ITCH: variants seen among roughly 807,000 people sequenced by gnomAD.
ITCH encodes itchy E3 ubiquitin protein ligase.
ITCH carries 28 observed loss-of-function variants against 126.8 expected under a neutral mutation model. The ratio of observed to expected loss-of-function variants is 0.22; its 90% CI spans 0.16 to 0.30. The LOEUF (loss-of-function observed/expected upper bound fraction) is 0.30. Ranked by LOEUF, ITCH falls within the 10% of genes least tolerant of loss-of-function variation. The pLI, the probability that ITCH is intolerant of heterozygous loss-of-function variation, is 1.00. For missense variants in ITCH, 631 were observed against 1,032.4 expected (o/e 0.61, Z 5.33); for synonymous variants, 342 against 340.0 (o/e 1.01, Z -0.06).
At chr20:34,469,184 A>G (rs1349714701) in intron 14 of ITCH, among the ~76,000 whole-genome samples, 4 of 151,958 alleles carry the variant, frequency 2.6e-5, no homozygotes, top group Admixed American at 2.6e-4. Flanking sequence ...TATCAGGGTC[A>G]CACTCCAGGC....
At chr20:34,467,119 C>CT (rs1987140103) in intron 14 of ITCH, among the ~76,000 whole-genome samples, 1 of 152,142 alleles carries the variant, frequency 6.6e-6, no homozygotes, top group Non-Finnish European at 1.5e-5. Context: ...ATGCCAATAA[C>CT]TTTAACATTT....
At chr20:34,507,295 T>TTGG in intron 24 of ITCH, among the ~76,000 whole-genome samples, 1 of 140,726 alleles carries the variant, frequency 7.1e-6, no homozygotes, top group Non-Finnish European at 1.5e-5. Context: ...TTTTTGGTTG[T>TTGG]TGTTGTTGTT....
intron 3 of ITCH, chr20:34,402,462 G>C: frequency 1.3e-6 from 1 of 768,132 alleles, no homozygotes; most frequent in Non-Finnish European, 2.4e-6. Flanking sequence ...GAGATGGAGA[G>C]ACCACTGAAA....
At chr20:34,473,854 A>G (rs932761359) in intron 16 of ITCH, among the ~76,000 whole-genome samples, 1 of 152,210 alleles carries the variant, frequency 6.6e-6, no homozygotes, top group Non-Finnish European at 1.5e-5. Context: ...AATTGTCGTA[A>G]TTTCTCCAGT....
At chr20:34,370,946 A>G (rs928689023) in intron 2 of ITCH, among the ~76,000 whole-genome samples, 1 of 152,028 alleles carries the variant, frequency 6.6e-6, no homozygotes, top group Non-Finnish European at 1.5e-5. Context: ...AGGCGGGTGG[A>G]TCACGAGGTC....
intron 20 of ITCH, among the ~76,000 whole-genome samples, chr20:34,487,710 G>A (rs1246273992): frequency 6.6e-6 from 1 of 152,036 alleles, no homozygotes; most frequent in African/African-American, 2.4e-5. Context: ...AGGCTGAGGT[G>A]GGCAGATTGC....
At chr20:34,397,702 T>G (rs1256970795) in intron 3 of ITCH, among the ~76,000 whole-genome samples, 1 of 152,208 alleles carries the variant, frequency 6.6e-6, no homozygotes, top group African/African-American at 2.4e-5. Context: ...GATATTACTA[T>G]TTCTTAGTTA....
At chr20:34,428,563 G>A (rs982145664) in intron 7 of ITCH, among the ~76,000 whole-genome samples, 6 of 152,024 alleles carry the variant, frequency 3.9e-5, no homozygotes, top group South Asian at 2.1e-4. Context: ...TTAGATGTGC[G>A]TTCTTTTTTT....
chr20:34,455,739 A>G (rs530059058), intron 12 of ITCH, among the ~76,000 whole-genome samples: 4 of 151,914 alleles, frequency 2.6e-5, no homozygotes, highest in South Asian at 2.1e-4. Flanking sequence ...CTGCCTCCCA[A>G]CGTGCTAGAA....
At chr20:34,462,930 A>G (rs1986676632) in intron 14 of ITCH, among the ~76,000 whole-genome samples, 1 of 152,264 alleles carries the variant, frequency 6.6e-6, no homozygotes, top group Non-Finnish European at 1.5e-5. Context: ...AATATGTATC[A>G]ACATTTTCAT....
rs147455589 is a variant in ITCH at position 34,398,784 on chromosome 20, T to A, written c.70+4903T>A. Among the ~76,000 whole-genome samples the A allele has an allele frequency of 1.0e-3, 155 of 152,224 alleles. 2 individuals carry two copies. In the East Asian group the frequency reaches 0.023, roughly 22 times the overall value. On this transcript the variant is annotated intron_variant, in intron 3 of 24. Coordinates refer to ENST00000374864, the MANE Select transcript of ITCH (RefSeq NM_031483.7). ...TTGGGTCTAAATATTCTGAGAATGC[T>A]CAAGTGTAGGGCAAAAAACAAACAC... is the stretch of plus-strand genomic sequence containing the variant.
chr20:34,413,002 C>CT (rs147982894), intron 5 of ITCH, among the ~76,000 whole-genome samples: 24 of 146,352 alleles, frequency 1.6e-4, no homozygotes, highest in East Asian at 3.9e-4. Flanking sequence ...TTTTCAGATG[C>CT]TTTTTTTTTT....
chr20:34,472,742 G>A (rs1026619894), intron 16 of ITCH, among the ~76,000 whole-genome samples: 2 of 152,306 alleles, frequency 1.3e-5, no homozygotes, highest in Admixed American at 1.3e-4. Context: ...AAAGCCAGTT[G>A]GCATCCTGCT....
chr20:34,442,325 G>C (rs1437867379), intron 10 of ITCH, 22 bp downstream of exon 10: 1 of 1,495,680 alleles, frequency 6.7e-7, no homozygotes, highest in African/African-American at 1.4e-5. Context: ...AATTTAAAAA[G>C]AATAATTTTA....
chr20:34,488,212 C>T (rs1205769238), intron 20 of ITCH, among the ~76,000 whole-genome samples: 4 of 149,130 alleles, frequency 2.7e-5, no homozygotes, highest in South Asian at 2.1e-4. Flanking sequence ...CTTTCTTTAC[C>T]ATTTCACTTA....
chr20:34,495,472 CCACTGTTG>C (rs1989817434), intron 23 of ITCH, among the ~76,000 whole-genome samples: 1 of 151,846 alleles, frequency 6.6e-6, no homozygotes, highest in South Asian at 2.1e-4. Flanking sequence ...TCTGTAGTAA[CCACTGTTG>C]CACTTTGTAC....
At chr20:34,431,619 C>T (rs1311569622) in intron 7 of ITCH, among the ~76,000 whole-genome samples, 1 of 152,070 alleles carries the variant, frequency 6.6e-6, no homozygotes, top group African/African-American at 2.4e-5. Context: ...AACAAGAACA[C>T]AATCATAGAG....
chr20:34,405,285 A>G (rs2039021523), intron 3 of ITCH, among the ~76,000 whole-genome samples: 1 of 152,096 alleles, frequency 6.6e-6, no homozygotes, highest in Admixed American at 6.6e-5. Context: ...CAAGTGGATC[A>G]CCTGAGGTCA....
intron 10 of ITCH, among the ~76,000 whole-genome samples, chr20:34,444,717 C>T (rs748018255): frequency 2.6e-5 from 4 of 152,208 alleles, no homozygotes; most frequent in Admixed American, 6.5e-5. Flanking sequence ...TCTCGGCTCA[C>T]TGCAGCCCCC....
Sources: allele counts gnomAD v4.1 joint callset (sites outside exome capture counted in the v4.1 genomes callset), GRCh38; gene constraint gnomAD v4.1.1; transcripts MANE v1.5; gene names NCBI Gene and HGNC (gene_info 2026-07-23, HGNC 2026-07-21).